The following ACTG1 variants were observed in gnomAD, a reference collection of about 807,000 sequenced individuals.
ACTG1 encodes the protein actin gamma 1, also known as actin, cytoplasmic 2.
ACTG1 carries 14 observed loss-of-function variants against 34.3 expected under a neutral mutation model. The observed-to-expected ratio is 0.41, with a 90% CI of 0.27 to 0.64. The LOEUF is 0.64. Ranked by LOEUF, ACTG1 falls within the 30% of genes least tolerant of loss-of-function variation. ACTG1 has a pLI of 0.33. For missense variants in ACTG1, 233 were observed against 529.5 expected, an observed-to-expected ratio of 0.44 and a Z score of 5.50; for synonymous variants, 422 against 213.9, an observed-to-expected ratio of 1.97 and a Z score of -8.49.
At chr17:81,512,565 G>GCCCTGGACCCCCGGCGCCCCC in intron 1 of ACTG1, 169 bp downstream of exon 1, 1 of 792,284 alleles carries the variant, frequency 1.3e-6, no homozygotes, top group South Asian at 1.6e-5. Context: ...GCCGGGCCCC[G>GCCCTGGACCCCCGGCGCCCCC]CCCTGGACCC....
At chr17:81,511,794 G>A (rs563266009) in intron 3 of ACTG1, 109 bp downstream of exon 3, 30 of 1,580,918 alleles carry the variant, frequency 1.9e-5, no homozygotes, top group East Asian at 1.3e-4. Context: ...TGCCGGGAGA[G>A]GAACAGAGCC....
At chr17:81,511,874 G>A (rs782198284) in intron 3 of ACTG1, 29 bp downstream of exon 3, 70 of 1,613,728 alleles carry the variant, frequency 4.3e-5, no homozygotes, top group African/African-American at 8.0e-5. Flanking sequence ...GAAAGGACGG[G>A]AGGAGCACGG....
rs782730692 is a variant in ACTG1, at chr17:81,512,173, C to T, written c.124-31G>A. On this transcript the variant is annotated intron_variant, in intron 2 of 5. Transcript: ENST00000573283. Reference sequence around the variant, plus strand: ...GGGGACGACCCGTCAGCCTCGCCGGCGACACCGAACCCACCCCGCAACGCA... The same window carrying T: ...GGGGACGACCCGTCAGCCTCGCCGGTGACACCGAACCCACCCCGCAACGCA... 13 of 1,613,074 alleles carry T rather than the reference C, an allele frequency of 8.1e-6. No individual in the cohort carries two copies. In the East Asian group the frequency reaches 2.5e-4, roughly 30 times the overall value.
At chr17:81,510,899 G>A (rs1384000676) in intron 5 of ACTG1, 28 bp downstream of exon 5, 7 of 1,613,702 alleles carry the variant, frequency 4.3e-6, no homozygotes, top group African/African-American at 2.7e-5. Context: ...CCCGAGCCAG[G>A]CAGAGGGCCA....
intron 1 of ACTG1, 89 bp downstream of exon 1, chr17:81,512,645 G>T (rs984113173): frequency 4.3e-6 from 2 of 467,464 alleles, no homozygotes; most frequent in South Asian, 4.0e-5. Context: ...AAGGCGCGAC[G>T]AGGCCTCGGC....
chr17:81,511,837 A>G (rs782271399), intron 3 of ACTG1, 66 bp downstream of exon 3: 1 of 1,609,508 alleles, frequency 6.2e-7, no homozygotes. Flanking sequence ...AAATGTCAGA[A>G]ATCAAGCCGG....
Position 81,511,892 on chromosome 17 carries a change from C to G in ACTG1, c.363+11G>C, listed in dbSNP as rs2031818208. On this transcript the variant is annotated intron_variant, in intron 3 of 5. Coordinates refer to ENST00000573283, the MANE Select transcript of ACTG1 (RefSeq NM_001614.5). ...AGGACGGGAGGAGCACGGGCGTCGG[C>G]CGAGCCTCACCTGAGTCATCTTCTC... The G allele has an allele frequency of 6.2e-7, 1 of 1,614,018 alleles. No individual in the cohort carries two copies. The highest frequency in any genetic ancestry group is 8.5e-7 in the Non-Finnish European group (1 of 1,179,946).
intron 1 of ACTG1, 33 bp from the exon 2 acceptor site, chr17:81,512,393 G>T: frequency 6.2e-7 from 1 of 1,613,668 alleles, no homozygotes; most frequent in Non-Finnish European, 8.5e-7. Context: ...AGGCGGGCGC[G>T]TCTGTAACAC....
chr17:81,511,769 G>A (rs782018780), intron 3 of ACTG1, 134 bp downstream of exon 3: 92 of 1,541,356 alleles, frequency 6.0e-5, no homozygotes, highest in South Asian at 2.1e-4. Context: ...AAACCTGGAG[G>A]CTTCAGGGAG....
intron 5 of ACTG1, 37 bp downstream of exon 5, chr17:81,510,890 C>G (rs1555666441): frequency 6.2e-7 from 1 of 1,613,764 alleles, no homozygotes; most frequent in South Asian, 1.1e-5. Context: ...GTCAGCTCTC[C>G]CGAGCCAGGC....
At position 81,510,913 on chromosome 17, in the gene ACTG1, A is replaced by C; in HGVS notation, c.984+14T>G. ...TCCCGAGCCAGGCAGAGGGCCACCA[A>C]CCCCTCGACTCACCTTGATCTTCAT... On this transcript the variant is annotated intron_variant, in intron 5 of 5. Transcript: ENST00000573283. 2 of 1,613,750 alleles carry C rather than the reference A, an allele frequency of 1.2e-6. No homozygotes were observed. Among genetic ancestry groups the C allele is most frequent in the Non-Finnish European group, 1.7e-6 (2 of 1,179,914 alleles).
rs2031874462 is a variant in ACTG1, at chr17:81,512,465, C to A, written c.-6-105G>T. 1.1e-4 allele frequency: 183 copies of A among 1,591,430 alleles called. 2 individuals are homozygous for A. In the South Asian group the frequency reaches 2.0e-3, roughly 17 times the overall value. On this transcript the variant is annotated intron_variant, in intron 1 of 5. Transcript: ENST00000573283. ...GGGAAGCCTCGGCCCTGCCCCAACC[C>A]CAGCGGCCGTGGCCTCCAAGATCGC...
rs782058647 is a variant in ACTG1, at chr17:81,511,390, G to A, written c.600C>T (p.Phe200=). The A allele has an allele frequency of 2.5e-6, 4 of 1,613,974 alleles. No homozygotes were observed. Among genetic ancestry groups the A allele is most frequent in the Admixed American group, 3.3e-5 (2 of 60,032 alleles). Residue 200 remains phenylalanine (F), a synonymous_variant, in exon 4 of 6, where the codon TTC becomes TTT. Coordinates refer to ENST00000573283, the MANE Select transcript of ACTG1 (RefSeq NM_001614.5). ...CGATTTCCCGCTCGGCCGTGGTGGT[G>A]AAGCTGTAGCCTCGCTCAGTGAGGA... ...MKILTERGYS[F]TTTAEREIVR...
In ACTG1 at chr17:81,511,289, G is replaced by A. The variant is rs11549179; in HGVS notation, c.701C>T (p.Ser234Phe). 4.3e-6 allele frequency: 7 copies of A among 1,613,866 alleles called. No homozygotes were observed. Among genetic ancestry groups the A allele is most frequent in the Non-Finnish European group, 5.9e-6 (7 of 1,180,038 alleles). The stretch of plus-strand genomic sequence containing the variant: ...CAGCTCGTAGCTCTTCTCCAGAGAA[G>A]AGGAGGATGCGGCGGTGGCCATCTC... ...EQEMATAASS[S>F]SLEKSYELPD... Residue 234 changes from serine to phenylalanine, a missense_variant, in exon 4 of 6, where the codon TCT becomes TTT. Ser to Phe is a radical substitution (Grantham distance 155, BLOSUM62 -2). Transcript: ENST00000573283.
In ACTG1 at chr17:81,510,495, C is replaced by T. The variant is rs1555666194; in HGVS notation, c.*195G>A. 1 of 771,462 alleles carries T rather than the reference C, an allele frequency of 1.3e-6. No homozygotes were observed. 47.8% of individuals were successfully genotyped at this position (771,462 alleles called of 1,614,324 possible). A position where few individuals can be genotyped will look rare whatever the true frequency, so the allele number is the denominator to read the frequency against. On this transcript the variant is annotated 3_prime_UTR_variant, in exon 6 of 6. Transcript: ENST00000573283. ...AACAAATACCAAGGGGAACAGTTAA[C>T]TTCAATACAAGGTCAAAATCAGCAA...
chr17:81,511,815 A>G (rs1265628671), intron 3 of ACTG1, 88 bp downstream of exon 3: 3 of 1,601,760 alleles, frequency 1.9e-6, no homozygotes, highest in South Asian at 1.1e-5. Context: ...TGGAACAGCG[A>G]AAGAAACACT....
Position 81,512,584 on chromosome 17 carries a change from C to G in ACTG1, c.-7+150G>C. The G allele has an allele frequency of 4.4e-6, 3 of 677,938 alleles. No homozygotes were observed. In the South Asian group the frequency reaches 5.4e-5, roughly 12 times the overall value. The allele number at this position is 677,938 out of a possible 1,614,324, so 42.0% of individuals were successfully genotyped here. On this transcript the variant is annotated intron_variant, in intron 1 of 5. Coordinates refer to ENST00000573283, the MANE Select transcript of ACTG1 (RefSeq NM_001614.5). ...GGCCCCGCCCTGGACCCCCGGCGCC[C>G]CCCCAGCCCCGTCCGCCTGACCCGG... is the stretch of plus-strand genomic sequence containing the variant.
rs11549238 is a variant in ACTG1 at position 81,512,256 on chromosome 17, G to T, written c.99C>A (p.Ser33=). The change falls in exon 2 of 6, where the codon TCC becomes TCA. Residue 33 remains serine (S), a synonymous_variant. Coordinates refer to ENST00000573283, the MANE Select transcript of ACTG1 (RefSeq NM_001614.5). ...CCTGGTGTCTGGGGCGCCCGACGAT[G>T]GAAGGAAACACGGCTCGGGGAGCGT... ...GDDAPRAVFP[S]IVGRPRHQGV... is the part of the protein sequence containing the mutation. 1 of 1,613,822 alleles carries T rather than the reference G, an allele frequency of 6.2e-7. No homozygotes were observed. Among genetic ancestry groups the T allele is most frequent in the Non-Finnish European group, 8.5e-7 (1 of 1,179,968 alleles).
In ACTG1 at chr17:81,510,917, C is replaced by G; in HGVS notation, c.984+10G>C. ...GAGCCAGGCAGAGGGCCACCAACCC[C>G]TCGACTCACCTTGATCTTCATGGTG... is the stretch of plus-strand genomic sequence containing the variant. On this transcript the variant is annotated intron_variant, in intron 5 of 5. Transcript: ENST00000573283. 4.3e-6 allele frequency: 7 copies of G among 1,613,980 alleles called. No individual in the cohort carries two copies. Among genetic ancestry groups the G allele is most frequent in the Non-Finnish European group, 5.9e-6 (7 of 1,179,972 alleles).
Sources: gnomAD v4.1 joint callset for allele counts on GRCh38, gnomAD v4.1.1 for gene constraint, MANE v1.5 for transcripts, NCBI Gene and HGNC (gene_info 2026-07-23, HGNC 2026-07-21) for gene names.